The following ANXA4 variants were observed in gnomAD, a reference collection of about 807,000 sequenced individuals.
ANXA4 encodes the protein 35-beta calcimedin.
In ANXA4, 39 loss-of-function variants were observed where a neutral mutation model predicts 49.8. The observed-to-expected ratio is 0.78, with a 90% CI of 0.61 to 1.02. The LOEUF (loss-of-function observed/expected upper bound fraction) is 1.02. Among genes scored for constraint, ANXA4 ranks in the 50% least tolerant of loss-of-function variants. ANXA4 has a pLI of 0.00. For missense variants in ANXA4, 360 were observed against 410.1 expected, an observed-to-expected ratio of 0.88 and a Z score of 1.05; for synonymous variants, 134 against 152.5, an observed-to-expected ratio of 0.88 and a Z score of 0.89.
At chr2:69,733,695 G>A (rs902840429) in intron 3 of ANXA4, among the ~76,000 whole-genome samples, 5 of 151,522 alleles carry the variant, frequency 3.3e-5, no homozygotes, top group African/African-American at 9.7e-5. Flanking sequence ...TATTAATTCT[G>A]CCTTATGAAT....
chr2:69,668,724 A>G (rs1677036589), intron 2 of ANXA4, among the ~76,000 whole-genome samples: 1 of 152,122 alleles, frequency 6.6e-6, no homozygotes, highest in South Asian at 2.1e-4. Flanking sequence ...AGGCACAGCC[A>G]TATTACGCTG....
At chr2:69,724,687 T>A (rs1669911224) in intron 3 of ANXA4, among the ~76,000 whole-genome samples, 1 of 94,486 alleles carries the variant, frequency 1.1e-5, no homozygotes, top group Non-Finnish European at 2.1e-5. Context: ...ACCTTAGTTC[T>A]GTAAAAAGGC....
At chr2:69,771,848 T>A (rs1227643934) in intron 1 of ANXA4, among the ~76,000 whole-genome samples, 1 of 152,262 alleles carries the variant, frequency 6.6e-6, no homozygotes, top group Non-Finnish European at 1.5e-5. Flanking sequence ...ATTTATGTAA[T>A]CTTAGTTGAA....
chr2:69,685,962 G>T (rs1295026739), intron 2 of ANXA4, among the ~76,000 whole-genome samples: 1 of 152,150 alleles, frequency 6.6e-6, no homozygotes, highest in Non-Finnish European at 1.5e-5. Context: ...TGGAAGAGAT[G>T]TGTGATAGCA....
intron 2 of ANXA4, chr2:69,673,900 G>T (rs1430362019): frequency 1.3e-5 from 2 of 151,880 alleles, no homozygotes; most frequent in Non-Finnish European, 2.9e-5. Flanking sequence ...GGAGATATGA[G>T]GCTGGACTGA....
At chr2:69,772,396 C>T (rs1224444479) in intron 1 of ANXA4, among the ~76,000 whole-genome samples, 1 of 152,196 alleles carries the variant, frequency 6.6e-6, no homozygotes, top group Non-Finnish European at 1.5e-5. Context: ...AAGAGCATGG[C>T]ACTGCGAGGC....
intron 1 of ANXA4, among the ~76,000 whole-genome samples, chr2:69,757,696 C>T (rs566890345): frequency 1.5e-4 from 23 of 151,898 alleles, no homozygotes; most frequent in Non-Finnish European, 2.5e-4. Context: ...GGGTGGCTCA[C>T]GCCTGTAATC....
chr2:69,802,780 C>T (rs552685642), intron 3 of ANXA4, among the ~76,000 whole-genome samples: 2 of 152,122 alleles, frequency 1.3e-5, no homozygotes, highest in Admixed American at 1.3e-4. Context: ...AGAGTGATCC[C>T]TTTCACAGAA....
At chr2:69,671,727 A>T (rs549152108) in intron 2 of ANXA4, among the ~76,000 whole-genome samples, 9 of 152,024 alleles carry the variant, frequency 5.9e-5, no homozygotes, top group Non-Finnish European at 8.8e-5. Context: ...CATCTCAAAA[A>T]ATATATATAT....
At chr2:69,794,054 C>T (rs1672813892) in intron 3 of ANXA4, among the ~76,000 whole-genome samples, 1 of 152,130 alleles carries the variant, frequency 6.6e-6, no homozygotes, top group Non-Finnish European at 1.5e-5. Context: ...ATTTCTTTTA[C>T]CCAGTTTGCT....
In ANXA4 at chr2:69,697,105, ATCT is replaced by A. The variant is rs150004230; in HGVS notation, n.767-23662_767-23660del. On this transcript the variant is annotated intron_variant and non_coding_transcript_variant, in intron 2 of 3. Transcript: ENST00000418066. ...TCTAGCTACGAAAGTCCTAGATGGCATCTTCTTCTAGTAGAAGGCTGTTTCATC... is the reference window on the plus strand; with the variant it reads ...TCTAGCTACGAAAGTCCTAGATGGCATCTTCTAGTAGAAGGCTGTTTCATC... 7.9e-4 allele frequency among the ~76,000 whole-genome samples: 121 copies of A among 152,342 alleles called. No homozygotes were observed. The East Asian group carries it at 0.013, about 16-fold the overall frequency.
intron 2 of ANXA4, among the ~76,000 whole-genome samples, chr2:69,681,164 C>T (rs1677585323): frequency 6.6e-6 from 1 of 152,062 alleles, no homozygotes; most frequent in African/African-American, 2.4e-5. Flanking sequence ...CTTTTTATTA[C>T]TGATTTAATT....
chr2:69,733,009 G>C (rs982100595), intron 3 of ANXA4, among the ~76,000 whole-genome samples: 94 of 152,282 alleles, frequency 6.2e-4, no homozygotes, highest in Admixed American at 1.8e-3. Context: ...TTGGAATTTA[G>C]TGAGGTTTTC....
upstream of ANXA4, among the ~76,000 whole-genome samples, chr2:69,739,672 C>A (rs1387826512): frequency 6.6e-6 from 1 of 152,092 alleles, no homozygotes; most frequent in Non-Finnish European, 1.5e-5. Context: ...CATCCTCCCA[C>A]CGCGGCCTTC....
At chr2:69,720,047 T>C (rs1669777771) in intron 2 of ANXA4, among the ~76,000 whole-genome samples, 1 of 152,240 alleles carries the variant, frequency 6.6e-6, no homozygotes, top group Non-Finnish European at 1.5e-5. Context: ...TTAGTGCTAC[T>C]GTTCTGCTTT....
At chr2:69,663,251 C>A (rs1676794627) in intron 2 of ANXA4, among the ~76,000 whole-genome samples, 3 of 143,708 alleles carry the variant, frequency 2.1e-5, no homozygotes, top group Non-Finnish European at 4.5e-5. Context: ...GTCTCGGCCT[C>A]CCAAAGTGCT....
intron 2 of ANXA4, among the ~76,000 whole-genome samples, chr2:69,678,297 G>T (rs1002416638): frequency 1.3e-5 from 2 of 148,770 alleles, no homozygotes. Flanking sequence ...ACTATGTAAA[G>T]ATTACAAATA....
At chr2:69,758,355 G>A (rs1671144525) in intron 1 of ANXA4, among the ~76,000 whole-genome samples, 1 of 152,220 alleles carries the variant, frequency 6.6e-6, no homozygotes, top group African/African-American at 2.4e-5. Context: ...AGAGGCTTAC[G>A]CCTATAAGCC....
At chr2:69,655,192 TAA>T (rs1676390206) in intron 2 of ANXA4, among the ~76,000 whole-genome samples, 1 of 152,086 alleles carries the variant, frequency 6.6e-6, no homozygotes, top group Non-Finnish European at 1.5e-5. Flanking sequence ...CTAATTAAAC[TAA>T]AGAGTTTCTG....
Sources: gnomAD v4.1 joint callset for allele counts (sites outside exome capture counted in the v4.1 genomes callset) on GRCh38, gnomAD v4.1.1 for gene constraint, MANE v1.5 for transcripts, NCBI Gene and HGNC (gene_info 2026-07-23, HGNC 2026-07-21) for gene names.